Variants in DISP1 observed in about 807,000 individuals in gnomAD.
The protein encoded by DISP1 is dispatched RND transporter family member 1.
In DISP1, 30 loss-of-function variants were observed where a neutral mutation model predicts 37.3. The observed-to-expected ratio is 0.80, with a 90% CI of 0.60 to 1.09. DISP1 has a LOEUF of 1.09. DISP1 is among the 50% of genes least tolerant of loss of function. The pLI is 0.00. For missense variants in DISP1, 1,598 were observed against 1,879.5 expected (o/e 0.85, Z 2.77); for synonymous variants, 634 against 690.2 (o/e 0.92, Z 1.28).
At position 223,003,221 on chromosome 1, in the gene DISP1, G is replaced by T; in HGVS notation, c.1824G>T (p.Met608Ile). 1 of 1,614,220 alleles carries T rather than the reference G, an allele frequency of 6.2e-7. No individual in the cohort carries two copies. Among genetic ancestry groups the T allele is most frequent in the Non-Finnish European group, 8.5e-7 (1 of 1,180,040 alleles). Reference sequence around the variant, plus strand: ...CCTTGCAGCACGCTGCCCTCTCCATGTTCGTCACCAGTTTTACCACTGCTG... The same window carrying T: ...CCTTGCAGCACGCTGCCCTCTCCATTTTCGTCACCAGTTTTACCACTGCTG... ...SITLQHAALS[M>I]FVTSFTTAAA... The change falls in exon 9 of 9, where the codon ATG becomes ATT. Residue 608 changes from methionine (M) to isoleucine (I), a missense_variant. Coordinates refer to ENST00000675850, the MANE Select transcript of DISP1 (RefSeq NM_001377229.1). This position sits in a 1 kb window ranked among gnomAD's most constrained non-coding sequence, Gnocchi z 4.3.
intron 3 of DISP1, among the ~76,000 whole-genome samples, chr1:222,946,383 C>CA (rs71178514): frequency 0.023 from 1,987 of 85,246 alleles, 70 homozygotes; most frequent in African/African-American, 0.076. Context: ...GACTCCATCT[C>CA]AAAAAAAAAA....
At chr1:222,827,631 T>C (rs540246886) in intron 1 of DISP1, 1 of 152,266 alleles carries the variant, frequency 6.6e-6, no homozygotes, top group South Asian at 2.1e-4. Flanking sequence ...ATTTATATAA[T>C]TAATAATCAT....
intron 3 of DISP1, among the ~76,000 whole-genome samples, chr1:222,978,440 G>A (rs1490356562): frequency 6.6e-6 from 1 of 152,116 alleles, no homozygotes; most frequent in Non-Finnish European, 1.5e-5. Context: ...CAGATGAGTA[G>A]ATTGCAAAAA....
At chr1:222,927,604 C>T (rs1321662424) in intron 1 of DISP1, among the ~76,000 whole-genome samples, 1 of 151,980 alleles carries the variant, frequency 6.6e-6, no homozygotes, top group Admixed American at 6.6e-5. Flanking sequence ...AAACTACTGT[C>T]CTCATATAGT....
chr1:222,989,847 G>T (rs1245576682), intron 4 of DISP1, among the ~76,000 whole-genome samples: 1 of 151,712 alleles, frequency 6.6e-6, no homozygotes, highest in African/African-American at 2.4e-5. Flanking sequence ...CTGTCGCCCA[G>T]GCTGGAGTGC....
At chr1:222,982,836 G>A (rs543558114) in intron 3 of DISP1, among the ~76,000 whole-genome samples, 6 of 152,224 alleles carry the variant, frequency 3.9e-5, no homozygotes, top group African/African-American at 1.4e-4. Context: ...AGGGTGATAC[G>A]GAGTCTGGGA....
chr1:222,978,858 G>C (rs1303340153), intron 3 of DISP1, among the ~76,000 whole-genome samples: 21 of 152,094 alleles, frequency 1.4e-4, no homozygotes, highest in Admixed American at 1.3e-4. Context: ...TCTGAGGGCT[G>C]TGTTCTGTTC....
rs556052465 is a variant in DISP1 at position 222,952,037 on chromosome 1, G to A, written c.509+8705G>A. Among the ~76,000 whole-genome samples, 8 of 152,088 alleles carry A rather than the reference G, an allele frequency of 5.3e-5. No homozygotes were observed. The South Asian group carries it at 8.3e-4, about 16-fold the overall frequency. ...ACAAATTCATATTCCCCTCTTTTCCGCTCTTACCATTGAAAGATTGATTAC... is the reference window on the plus strand; with the variant it reads ...ACAAATTCATATTCCCCTCTTTTCCACTCTTACCATTGAAAGATTGATTAC... On this transcript the variant is annotated intron_variant, in intron 3 of 8. Transcript: ENST00000675850.
At chr1:222,991,138 G>A (rs1320815890) in intron 5 of DISP1, among the ~76,000 whole-genome samples, 1 of 152,102 alleles carries the variant, frequency 6.6e-6, no homozygotes, top group Non-Finnish European at 1.5e-5. Context: ...TCTCTGGAGT[G>A]GAATAATGAG....
intron 3 of DISP1, among the ~76,000 whole-genome samples, chr1:222,964,297 C>CA (rs11434945): frequency 0.4 from 54,990 of 138,942 alleles, 11,033 homozygotes; most frequent in East Asian, 0.51. Context: ...GACTCTATCT[C>CA]AAAAAAAAAA....
chr1:222,898,124 T>G (rs939019431), intron 1 of DISP1, among the ~76,000 whole-genome samples: 1 of 152,180 alleles, frequency 6.6e-6, no homozygotes, highest in Non-Finnish European at 1.5e-5. Context: ...TCAGGGATTT[T>G]AGCTTTTATT....
intron 8 of DISP1, 52 bp from the exon 9 acceptor site, chr1:223,002,333 G>A (rs904598649): frequency 2.3e-5 from 36 of 1,541,724 alleles, no homozygotes; most frequent in African/African-American, 2.3e-4. Context: ...AGTTGTGAAC[G>A]ATTGTGAACC....
At chr1:222,957,145 T>TAAAAAAAAAAAA (rs35888809) in intron 3 of DISP1, among the ~76,000 whole-genome samples, 1 of 103,268 alleles carries the variant, frequency 9.7e-6, no homozygotes, top group Non-Finnish European at 1.9e-5. Context: ...TTTACTATTG[T>TAAAAAAAAAAAA]AAAAAAAAAA....
chr1:222,820,704 A>G (rs1282673399), intron 1 of DISP1, among the ~76,000 whole-genome samples: 1 of 152,170 alleles, frequency 6.6e-6, no homozygotes, highest in Non-Finnish European at 1.5e-5. Context: ...AAGTTACTGA[A>G]CTTTATGCTT....
intron 3 of DISP1, among the ~76,000 whole-genome samples, chr1:222,966,803 A>T (rs1676527591): frequency 6.6e-6 from 1 of 152,166 alleles, no homozygotes; most frequent in Non-Finnish European, 1.5e-5. Context: ...AGTGCCTTTC[A>T]CTGAAGACTT....
intron 1 of DISP1, among the ~76,000 whole-genome samples, chr1:222,858,115 A>T (rs1668650910): frequency 6.6e-6 from 1 of 152,140 alleles, no homozygotes; most frequent in African/African-American, 2.4e-5. Flanking sequence ...CAGAATACAG[A>T]ACTCAGAAAT....
intron 1 of DISP1, among the ~76,000 whole-genome samples, chr1:222,839,862 G>A (rs554512681): frequency 5.9e-4 from 90 of 152,134 alleles, no homozygotes; most frequent in African/African-American, 2.1e-3. Context: ...GAACCCAGGA[G>A]GCGGAGGTTG....
At chr1:222,821,753 C>T (rs1023116902) in intron 1 of DISP1, among the ~76,000 whole-genome samples, 1 of 152,020 alleles carries the variant, frequency 6.6e-6, no homozygotes, top group Non-Finnish European at 1.5e-5. Context: ...GTGGCGGGCA[C>T]CTGTAATCCC....
rs574264057 is a variant in DISP1, at chr1:222,912,575, T to G, written c.-158-15855T>G. ...AGTCTGTTACTTCCTTTCTTTTTAC[T>G]TCTTTTTACTTCTGTTACTTCCTTT... On this transcript the variant is annotated intron_variant, in intron 1 of 8. Transcript: ENST00000675850. Among the ~76,000 whole-genome samples, 5 of 152,222 alleles carry G rather than the reference T, an allele frequency of 3.3e-5. No homozygotes were observed. The South Asian group carries it at 8.3e-4, about 25-fold the overall frequency.
Sources: allele counts gnomAD v4.1 joint callset (sites outside exome capture counted in the v4.1 genomes callset), GRCh38; gene constraint gnomAD v4.1.1; non-coding constraint Gnocchi (gnomAD v3.1); transcripts MANE v1.5; gene names NCBI Gene and HGNC (gene_info 2026-07-23, HGNC 2026-07-21).